STK35: variants seen among roughly 807,000 people sequenced by gnomAD.
STK35 encodes serine/threonine kinase 35.
Under a neutral mutation model 37.3 loss-of-function variants are expected in STK35, and 17 were observed. The ratio of observed to expected loss-of-function variants is 0.46; its 90% CI spans 0.31 to 0.68. The LOEUF is 0.68. Among genes scored for constraint, STK35 ranks in the 30% least tolerant of loss-of-function variants. STK35 has a pLI of 0.05. For synonymous variants in STK35, 385 were observed against 319.1 expected (o/e 1.21, Z -2.20); for missense variants, 595 against 746.7 (o/e 0.80, Z 2.37).
In STK35 at chr20:2,102,838, C is replaced by G; in HGVS notation, c.365C>G (p.Ala122Gly). The change falls in exon 2 of 4, where the codon GCA becomes GGA. Residue 122 changes from alanine (A) to glycine (G), a missense_variant. Around this residue, in one of 3 missense-constraint regions of STK35, gnomAD observed 389 missense variants for 320.0 expected, o/e 1.22. Transcript: ENST00000381482. ...GRRDEAGGAR[A>G]APLLLPPPPA... is the part of the protein sequence containing the mutation. ...AGGGATGAGGCAGGGGGGGCCCGGG[C>G]AGCGCCGTTGCTGCTCCCCCCGCCG... The G allele has an allele frequency of 2.0e-6, 3 of 1,536,190 alleles. No homozygotes were observed. Among genetic ancestry groups the G allele is most frequent in the Non-Finnish European group, 2.6e-6 (3 of 1,148,854 alleles).
At chr20:2,103,721 G>T (rs373382852) in intron 2 of STK35, among the ~76,000 whole-genome samples, 42 of 152,160 alleles carry the variant, frequency 2.8e-4, no homozygotes, top group African/African-American at 9.9e-4. Context: ...GCAGAACTGC[G>T]GAGCCTCCTC....
intron 3 of STK35, among the ~76,000 whole-genome samples, chr20:2,121,686 G>A (rs969182684): frequency 6.6e-6 from 1 of 152,184 alleles, no homozygotes; most frequent in African/African-American, 2.4e-5. Context: ...CTGAGCTCCA[G>A]GTGGTGCAAC....
At chr20:2,138,569 C>T (rs1172325872) in intron 3 of STK35, among the ~76,000 whole-genome samples, 2 of 152,174 alleles carry the variant, frequency 1.3e-5, no homozygotes, top group Non-Finnish European at 1.5e-5. Context: ...TGTGTTCTTC[C>T]CTGAGGGAGC....
intron 3 of STK35, among the ~76,000 whole-genome samples, chr20:2,121,540 A>G (rs1229590358): frequency 1.3e-5 from 2 of 152,308 alleles, no homozygotes; most frequent in South Asian, 4.2e-4. Context: ...TGGCATGCCT[A>G]TTTAGAATCC....
intron 2 of STK35, among the ~76,000 whole-genome samples, chr20:2,111,143 C>G (rs1985609780): frequency 6.6e-6 from 1 of 152,322 alleles, no homozygotes; most frequent in South Asian, 2.1e-4. Flanking sequence ...CCCTTGCCAG[C>G]CCTCACTTCA....
intron 3 of STK35, among the ~76,000 whole-genome samples, chr20:2,133,094 A>G (rs1986027348): frequency 6.6e-6 from 1 of 152,188 alleles, no homozygotes; most frequent in Non-Finnish European, 1.5e-5. Flanking sequence ...ACCCCTTAGC[A>G]ATTGCCTCCA....
chr20:2,131,486 A>AT (rs1309318502), intron 3 of STK35, among the ~76,000 whole-genome samples: 1 of 151,618 alleles, frequency 6.6e-6, no homozygotes, highest in Non-Finnish European at 1.5e-5. Context: ...TTTTTTTAAG[A>AT]TTAAAAATGG....
At chr20:2,139,565 CTACCACT>C (rs1332102995) in intron 3 of STK35, among the ~76,000 whole-genome samples, 3 of 152,198 alleles carry the variant, frequency 2.0e-5, no homozygotes, top group African/African-American at 7.2e-5. Flanking sequence ...ACCCTTTTCT[CTACCACT>C]TACTGTCTAT....
chr20:2,111,062 T>G (rs1426416959), intron 2 of STK35, among the ~76,000 whole-genome samples: 1 of 152,226 alleles, frequency 6.6e-6, no homozygotes, highest in East Asian at 1.9e-4. Context: ...CCTTTCCATC[T>G]TATGTGACAA....
At chr20:2,112,660 G>T (rs1985642275) in intron 2 of STK35, among the ~76,000 whole-genome samples, 1 of 152,056 alleles carries the variant, frequency 6.6e-6, no homozygotes, top group Admixed American at 6.6e-5. Flanking sequence ...CCTGTAAAAC[G>T]GTGCCTGGTA....
rs1274256469 is a variant in STK35 at position 2,128,877 on chromosome 20, T to A, written c.*37+11462T>A. Among the ~76,000 whole-genome samples, 3 of 152,148 alleles carry A rather than the reference T, an allele frequency of 2.0e-5. No individual in the cohort carries two copies. In the East Asian group the frequency reaches 5.8e-4, roughly 29 times the overall value. ...TTTTTTTTGAGGTGGAGTCTCGCTC[T>A]GTTGCCAGGCTGGAGTGCAGTGACA... On this transcript the variant is annotated intron_variant, in intron 3 of 3. Transcript: ENST00000381482.
intron 3 of STK35, among the ~76,000 whole-genome samples, chr20:2,138,376 T>C (rs1261236264): frequency 6.6e-6 from 1 of 152,200 alleles, no homozygotes; most frequent in African/African-American, 2.4e-5. Flanking sequence ...TCTTACTGAA[T>C]GCCCCACCCT....
intron 3 of STK35, among the ~76,000 whole-genome samples, chr20:2,142,855 C>T (rs763869414): frequency 1.3e-5 from 2 of 152,328 alleles, no homozygotes; most frequent in East Asian, 1.9e-4. Context: ...AGCACTGATC[C>T]GATAGCTCAG....
rs1240683266 is a variant in STK35, at chr20:2,146,142, GC to G, written c.*2400del. 6.6e-6 allele frequency: 1 copy of G among 152,164 alleles called. No homozygotes were observed. Among genetic ancestry groups the G allele is most frequent in the Non-Finnish European group, 1.5e-5 (1 of 68,036 alleles). The allele number at this position is 152,164 out of a possible 1,614,324, so 9.4% of individuals were successfully genotyped here. On this transcript the variant is annotated 3_prime_UTR_variant, in exon 4 of 4. Transcript: ENST00000381482. ...AGCATAAATGCAGGCCAGCGTTTTAGCCCCAAGTGCCTGCCCTTGCTTCTTA... is the reference window on the plus strand; with the variant it reads ...AGCATAAATGCAGGCCAGCGTTTTAGCCCAAGTGCCTGCCCTTGCTTCTTA...
chr20:2,109,611 A>G (rs1467201515), intron 2 of STK35, among the ~76,000 whole-genome samples: 2 of 152,166 alleles, frequency 1.3e-5, no homozygotes, highest in East Asian at 1.9e-4. Flanking sequence ...TCCAGTGTCC[A>G]TGTTCTTGAC....
intron 3 of STK35, among the ~76,000 whole-genome samples, chr20:2,140,239 A>G (rs1986151738): frequency 6.6e-6 from 1 of 152,168 alleles, no homozygotes; most frequent in Non-Finnish European, 1.5e-5. Flanking sequence ...CTCTGGTCAG[A>G]GGTAGGGGTT....
chr20:2,133,823 CTT>C (rs1245553789), intron 3 of STK35, among the ~76,000 whole-genome samples: 1 of 152,210 alleles, frequency 6.6e-6, no homozygotes, highest in African/African-American at 2.4e-5. Flanking sequence ...TGTCTAGGAG[CTT>C]TCACAGTAAC....
rs1281459961 is a variant in STK35 at position 2,145,219 on chromosome 20, A to G, written c.*1473A>G. The G allele has an allele frequency of 6.6e-6, 1 of 152,346 alleles. No homozygotes were observed. Among genetic ancestry groups the G allele is most frequent in the Non-Finnish European group, 1.5e-5 (1 of 68,184 alleles). 9.4% of individuals were successfully genotyped at this position (152,346 alleles called of 1,614,324 possible). On this transcript the variant is annotated 3_prime_UTR_variant, in exon 4 of 4. Transcript: ENST00000381482. Reference sequence around the variant, plus strand: ...TGTTCTCCCCCTGCAAGAAGGGGCAATGCTCTTGTGTTGTCCCTCTGTCTG... The same window carrying G: ...TGTTCTCCCCCTGCAAGAAGGGGCAGTGCTCTTGTGTTGTCCCTCTGTCTG...
intron 1 of STK35, 110 bp from the exon 2 acceptor site, chr20:2,102,658 T>C: frequency 9.2e-7 from 1 of 1,084,462 alleles, no homozygotes; most frequent in Non-Finnish European, 1.2e-6. Context: ...GTGGCTTCCG[T>C]CTTAAAGGGG....
Sources: allele counts gnomAD v4.1 joint callset (sites outside exome capture counted in the v4.1 genomes callset), GRCh38; gene constraint gnomAD v4.1.1; regional missense constraint gnomAD v4.1.1; transcripts MANE v1.5; gene names NCBI Gene and HGNC (gene_info 2026-07-23, HGNC 2026-07-21).